PTPN3: variants seen among roughly 807,000 people sequenced by gnomAD.
The protein encoded by PTPN3 is protein tyrosine phosphatase non-receptor type 3.
A neutral mutation model predicts 132.7 loss-of-function variants in PTPN3; 96 were observed. The observed-to-expected ratio is 0.72, with a 90% CI of 0.61 to 0.86. The LOEUF (loss-of-function observed/expected upper bound fraction) is 0.86. PTPN3 is among the 40% of genes least tolerant of loss of function. The pLI is 0.00. For missense variants in PTPN3, 1,125 were observed against 1,159.6 expected, an observed-to-expected ratio of 0.97 and a Z score of 0.43; for synonymous variants, 398 against 429.0, an observed-to-expected ratio of 0.93 and a Z score of 0.89.
At chr9:109,471,829 C>A (rs1030749713) in intron 1 of PTPN3, among the ~76,000 whole-genome samples, 1 of 152,138 alleles carries the variant, frequency 6.6e-6, no homozygotes, top group Non-Finnish European at 1.5e-5. Context: ...TAAATAAATA[C>A]CCCCTGACCC....
chr9:109,528,709 T>C, the PTPN3 span, among the ~76,000 whole-genome samples: 6 of 105,776 alleles, frequency 5.7e-5, no homozygotes, highest in Admixed American at 4.8e-4. Flanking sequence ...TTTCTATATA[T>C]ATGTATATAT....
Position 109,389,961 on chromosome 9 carries a change from G to A in PTPN3, c.2107-582C>T, listed in dbSNP as rs554795224. On this transcript the variant is annotated intron_variant, in intron 21 of 25. Coordinates refer to ENST00000374541, the MANE Select transcript of PTPN3 (RefSeq NM_002829.4). ...GTTTCCTTTTTGCCCTCTGGACTGA[G>A]TCCTTTTGACGAAAGAACACTCAGA... Among the ~76,000 whole-genome samples, 8 of 152,302 alleles carry A rather than the reference G, an allele frequency of 5.3e-5. No homozygotes were observed. In the East Asian group the frequency reaches 1.5e-3, roughly 29 times the overall value.
At chr9:109,486,941 C>T (rs924517129) in intron 1 of PTPN3, among the ~76,000 whole-genome samples, 16 of 152,152 alleles carry the variant, frequency 1.1e-4, no homozygotes, top group Admixed American at 3.3e-4. Context: ...CTTCCCCTTC[C>T]GCCATGATTG....
At chr9:109,450,811 A>T in intron 5 of PTPN3, 1 of 985,448 alleles carries the variant, frequency 1.0e-6, no homozygotes, top group Non-Finnish European at 1.2e-6. Flanking sequence ...TCTTGTGGGT[A>T]CCCCACCTGT....
chr9:109,521,073 T>A, the PTPN3 span, among the ~76,000 whole-genome samples: 1 of 152,102 alleles, frequency 6.6e-6, no homozygotes, highest in Non-Finnish European at 1.5e-5. Context: ...GTGTATGGAA[T>A]GTAGAGAACA....
chr9:109,444,111 T>C (rs1844682719), intron 7 of PTPN3, among the ~76,000 whole-genome samples: 1 of 152,192 alleles, frequency 6.6e-6, no homozygotes, highest in Non-Finnish European at 1.5e-5. Flanking sequence ...GACCTGATCA[T>C]CTTGCTGCCT....
chr9:109,505,932 T>A, the PTPN3 span, among the ~76,000 whole-genome samples: 2 of 151,922 alleles, frequency 1.3e-5, no homozygotes, highest in African/African-American at 2.4e-5. Flanking sequence ...TGTATTTTTT[T>A]AGTAGAGACA....
chr9:109,382,162 TGAA>T, intron 24 of PTPN3, 137 bp downstream of exon 24: 2 of 1,104,096 alleles, frequency 1.8e-6, no homozygotes, highest in African/African-American at 1.6e-5. Context: ...TTTGAAATGG[TGAA>T]GAACCACAGT....
intron 19 of PTPN3, among the ~76,000 whole-genome samples, chr9:109,400,800 T>C (rs1228793290): frequency 6.6e-6 from 1 of 152,234 alleles, no homozygotes; most frequent in Admixed American, 6.5e-5. Context: ...CTGTGGCACA[T>C]AGTAAGTGCT....
intron 4 of PTPN3, among the ~76,000 whole-genome samples, chr9:109,455,829 T>C (rs1845532247): frequency 1.3e-5 from 2 of 152,224 alleles, no homozygotes; most frequent in South Asian, 4.1e-4. Context: ...AGTCCAAATT[T>C]GATCTGGACT....
rs148185635 is a variant in PTPN3, at chr9:109,391,460, C to T, written c.2044+11G>A. 0.013 allele frequency: 20,959 copies of T among 1,603,692 alleles called. 162 individuals carry two copies. Among genetic ancestry groups the T allele is most frequent in the Non-Finnish European group, 0.015 (17,222 of 1,171,320 alleles). On this transcript the variant is annotated intron_variant, in intron 20 of 25. Coordinates refer to ENST00000374541, the MANE Select transcript of PTPN3 (RefSeq NM_002829.4). ...GTAGGGGGGAAGGAGGCATTCATGC[C>T]GGATACTCACAAGGCAGCACATCTT...
chr9:109,536,421 A>C, the PTPN3 span, among the ~76,000 whole-genome samples: 1 of 152,352 alleles, frequency 6.6e-6, no homozygotes, highest in East Asian at 1.9e-4. Context: ...AGAACCATCA[A>C]ACCATTTCCC....
At chr9:109,445,202 A>T in intron 7 of PTPN3, 38 bp downstream of exon 7, 1 of 1,590,826 alleles carries the variant, frequency 6.3e-7, no homozygotes, top group Non-Finnish European at 8.6e-7. Context: ...TGATCAGAAC[A>T]ACCTGTCCAT....
At chr9:109,485,421 C>G (rs376826871) in intron 1 of PTPN3, among the ~76,000 whole-genome samples, 217 of 152,054 alleles carry the variant, frequency 1.4e-3, no homozygotes, top group Admixed American at 3.1e-3. Context: ...GGCAGGAGAA[C>G]GGCGTGAACC....
intron 2 of PTPN3, among the ~76,000 whole-genome samples, chr9:109,459,942 C>T (rs1845759323): frequency 6.6e-6 from 1 of 152,090 alleles, no homozygotes. Flanking sequence ...GGGATCTCCT[C>T]CAGTTTCAAG....
chr9:109,415,044 GTCCGTCCA>G (rs917897577), intron 14 of PTPN3, among the ~76,000 whole-genome samples: 9 of 146,684 alleles, frequency 6.1e-5, no homozygotes, highest in East Asian at 2.0e-4. Context: ...CCGTCCGTCC[GTCCGTCCA>G]TCCGTCCATC....
intron 1 of PTPN3, among the ~76,000 whole-genome samples, chr9:109,493,624 C>T (rs1847554284): frequency 6.6e-6 from 1 of 152,228 alleles, no homozygotes; most frequent in African/African-American, 2.4e-5. Flanking sequence ...CTCAGGCCTC[C>T]TCTTGCACAA....
chr9:109,501,208 CT>C (rs1232958621), upstream of PTPN3, among the ~76,000 whole-genome samples: 1 of 152,160 alleles, frequency 6.6e-6, no homozygotes, highest in Non-Finnish European at 1.5e-5. Context: ...TATATTCTCT[CT>C]TTAATCCTTA....
At chr9:109,409,818 A>C (rs1374083560) in intron 16 of PTPN3, among the ~76,000 whole-genome samples, 181 bp downstream of exon 16, 1 of 151,768 alleles carries the variant, frequency 6.6e-6, no homozygotes, top group Admixed American at 6.6e-5. Context: ...AAAAAAAAAC[A>C]AAAAAAACCC....
Sources: allele counts gnomAD v4.1 joint callset (sites outside exome capture counted in the v4.1 genomes callset), GRCh38; gene constraint gnomAD v4.1.1; transcripts MANE v1.5; gene names NCBI Gene and HGNC (gene_info 2026-07-23, HGNC 2026-07-21).